The following FRMPD4 variants were observed in gnomAD, a reference collection of about 807,000 sequenced individuals.
FRMPD4 encodes the protein FERM and PDZ domain containing 4.
FRMPD4 carries 22 observed loss-of-function variants against 94.1 expected under a neutral mutation model. That is an observed-to-expected ratio of 0.23 (90% CI 0.17 to 0.33). FRMPD4 has a LOEUF of 0.33. FRMPD4 is among the 10% of genes least tolerant of loss of function. The pLI, the probability that FRMPD4 is intolerant of heterozygous loss-of-function variation, is 1.00. For synonymous variants in FRMPD4, 631 were observed against 548.6 expected (o/e 1.15, Z -2.10); for missense variants, 1,111 against 1,339.9 (o/e 0.83, Z 2.67).
At position 12,723,220 on chromosome X, in the gene FRMPD4, T is replaced by A. The variant is rs2042272087; in HGVS notation, c.*1362T>A. The A allele has an allele frequency of 8.9e-6, 1 of 111,881 alleles. No individual in the cohort carries two copies. Among genetic ancestry groups the A allele is most frequent in the Admixed American group, 9.5e-5 (1 of 10,570 alleles). 9.2% of individuals were successfully genotyped at this position (111,881 alleles called of 1,213,427 possible). On this transcript the variant is annotated 3_prime_UTR_variant, in exon 17 of 17. Transcript: ENST00000675598. ...TCCAGGACTGTCACATCTCTAAAAG[T>A]ACCCTGCAGTCATAAAATAAAATCG...
intron 3 of FRMPD4, among the ~76,000 whole-genome samples, chrX:11,878,413 A>G (rs2053796959): frequency 8.9e-6 from 1 of 111,983 alleles, no homozygotes; most frequent in Non-Finnish European, 1.9e-5. Flanking sequence ...TTTACAAGGG[A>G]ATTGAATTGT....
At chrX:12,703,812 G>A (rs1175245637) in intron 10 of FRMPD4, among the ~76,000 whole-genome samples, 2 of 111,942 alleles carry the variant, frequency 1.8e-5, no homozygotes, top group Non-Finnish European at 3.8e-5. Flanking sequence ...CACACCACCA[G>A]CAAGAAATGT....
intron 1 of FRMPD4, among the ~76,000 whole-genome samples, chrX:12,384,412 G>A (rs2056369162): frequency 9.0e-6 from 1 of 111,629 alleles, no homozygotes. Context: ...CAGCTTCCTG[G>A]GAGGTTGAAT....
chrX:12,185,914 G>A lies in FRMPD4; in HGVS notation c.41+46902G>A, dbSNP rs184549424. ...TGCTGTCAAGTCCAGTCTGATTAAA[G>A]TGAAGGACAGATGATCTGCAGTCTT... is the stretch of plus-strand genomic sequence containing the variant. On this transcript the variant is annotated intron_variant, in intron 1 of 16. Transcript: ENST00000675598. 4.5e-5 allele frequency among the ~76,000 whole-genome samples: 5 copies of A among 111,746 alleles called. No individual in the cohort carries two copies. The East Asian group carries it at 1.4e-3, about 31-fold the overall frequency.
At position 12,372,995 on chromosome X, in the gene FRMPD4, C is replaced by T. The variant is rs149949653; in HGVS notation, c.42-125685C>T. On this transcript the variant is annotated intron_variant, in intron 1 of 16. Coordinates refer to ENST00000675598, the MANE Select transcript of FRMPD4 (RefSeq NM_001368397.1). The stretch of plus-strand genomic sequence containing the variant: ...AGTGCCACAATGGAGCCGAGAAGTC[C>T]TTTAGAACTTTGGGGGACAGCACCA... Among the ~76,000 whole-genome samples, 623 of 112,142 alleles carry T rather than the reference C, an allele frequency of 5.6e-3. 1 individual carries two copies. The highest frequency in any genetic ancestry group is 0.014 in the Middle Eastern group (3 of 217).
intron 1 of FRMPD4, among the ~76,000 whole-genome samples, chrX:12,224,122 G>T (rs1433431010): frequency 9.0e-6 from 1 of 110,891 alleles, no homozygotes; most frequent in South Asian, 3.9e-4. Context: ...TCACCTAGGG[G>T]ACAAAATTGC....
chrX:12,429,168 G>A (rs775137137), intron 1 of FRMPD4, among the ~76,000 whole-genome samples: 4 of 111,500 alleles, frequency 3.6e-5, no homozygotes, highest in African/African-American at 1.3e-4. Flanking sequence ...CTGGGAACTC[G>A]CCATTCAGTA....
chrX:12,390,305 T>C (rs2056457815), intron 1 of FRMPD4, among the ~76,000 whole-genome samples: 1 of 112,626 alleles, frequency 8.9e-6, no homozygotes, highest in African/African-American at 3.2e-5. Context: ...TTTGTAAGTA[T>C]TGCAGATATG....
intron 1 of FRMPD4, among the ~76,000 whole-genome samples, chrX:12,297,805 G>C (rs1031792830): frequency 3.6e-5 from 4 of 111,035 alleles, no homozygotes; most frequent in Admixed American, 2.9e-4. Context: ...AAAAGAATTA[G>C]CCCCCCCTGG....
At chrX:12,581,901 C>T (rs1174324584) in intron 2 of FRMPD4, among the ~76,000 whole-genome samples, 1 of 111,934 alleles carries the variant, frequency 8.9e-6, no homozygotes, top group Non-Finnish European at 1.9e-5. Flanking sequence ...CCCACCCTGC[C>T]ATCTGACACT....
Position 12,717,709 on chromosome X carries a change from G to A in FRMPD4, c.2883G>A (p.Gly961=), listed in dbSNP as rs1326251539. ...TEFPASKTPA[G]GLPPKSSHAL... The stretch of plus-strand genomic sequence containing the variant: ...TCCCGGCCTCCAAGACCCCCGCTGG[G>A]GGCTTGCCTCCAAAGTCCTCGCACG... Residue 961 remains glycine, a synonymous_variant, in exon 16 of 17, where the codon GGG becomes GGA. Transcript: ENST00000675598. The A allele has an allele frequency of 8.3e-7, 1 of 1,210,969 alleles. No individual in the cohort carries two copies. Among genetic ancestry groups the A allele is most frequent in the South Asian group, 1.8e-5 (1 of 56,995 alleles).
chrX:12,009,178 T>C (rs906834740), intron 3 of FRMPD4, among the ~76,000 whole-genome samples: 2 of 112,272 alleles, frequency 1.8e-5, no homozygotes, highest in Non-Finnish European at 3.8e-5. Context: ...AACTAGTAAC[T>C]ATGTGAGGTG....
At chrX:12,634,189 G>A (rs190928847) in intron 4 of FRMPD4, among the ~76,000 whole-genome samples, 6 of 112,341 alleles carry the variant, frequency 5.3e-5, no homozygotes, top group Admixed American at 4.7e-4. Context: ...TTTCCCCCAT[G>A]TAAGAAATTA....
In FRMPD4 at chrX:11,845,595, A is replaced by G. The variant is rs766944999; in HGVS notation, c.-160-19491A>G. Among the ~76,000 whole-genome samples the G allele has an allele frequency of 2.1e-3, 229 of 108,146 alleles. 1 individual carries two copies. The highest frequency in any genetic ancestry group is 3.6e-3 in the Non-Finnish European group (189 of 51,949). The allele number at this position is 108,146 out of a possible 115,157, so 93.9% of individuals were successfully genotyped here. ...CAACCAAAAAAGAGAATTTTAGACC[A>G]ATATCCTTGATGAACATTGATGCAA... On this transcript the variant is annotated intron_variant, in intron 1 of 18. Transcript: ENST00000640291.
Position 12,698,803 on chromosome X carries a change from A to G in FRMPD4, c.934-3071A>G, listed in dbSNP as rs904317226. Among the ~76,000 whole-genome samples, 7 of 111,408 alleles carry G rather than the reference A, an allele frequency of 6.3e-5. No individual in the cohort carries two copies. In the East Asian group the frequency reaches 2.0e-3, roughly 31 times the overall value. Reference sequence around the variant, plus strand: ...CTTAGGAGAAGTAATAGTGATGGCTAATCTTTATCAAGTATCTTCCATTTC... The same window carrying G: ...CTTAGGAGAAGTAATAGTGATGGCTGATCTTTATCAAGTATCTTCCATTTC... On this transcript the variant is annotated intron_variant, in intron 9 of 16. Transcript: ENST00000675598.
intron 1 of FRMPD4, among the ~76,000 whole-genome samples, chrX:12,147,898 A>G (rs1336659986): frequency 8.9e-6 from 1 of 111,780 alleles, no homozygotes; most frequent in Non-Finnish European, 1.9e-5. Flanking sequence ...TGATGTTACT[A>G]TTGCAATTGT....
chrX:12,312,239 CTTTTTTTT>C (rs200625685), intron 1 of FRMPD4, among the ~76,000 whole-genome samples: 1 of 61,544 alleles, frequency 1.6e-5, no homozygotes, highest in Non-Finnish European at 3.0e-5. Context: ...TGCTCCATTA[CTTTTTTTT>C]TTTTTTTTTT....
chrX:12,080,983 C>T (rs1275034654), intron 3 of FRMPD4, among the ~76,000 whole-genome samples: 1 of 111,967 alleles, frequency 8.9e-6, no homozygotes, highest in Admixed American at 9.5e-5. Flanking sequence ...TAAATGGCTG[C>T]TTATTTAAAG....
chrX:12,352,050 A>G (rs1245881456), intron 1 of FRMPD4, among the ~76,000 whole-genome samples: 3 of 111,957 alleles, frequency 2.7e-5, no homozygotes, highest in East Asian at 2.8e-4. Flanking sequence ...GGTATTTTTC[A>G]TAGGCTCAGC....
Sources: gnomAD v4.1 joint callset for allele counts (sites outside exome capture counted in the v4.1 genomes callset) on GRCh38, gnomAD v4.1.1 for gene constraint, MANE v1.5 for transcripts, NCBI Gene and HGNC (gene_info 2026-07-23, HGNC 2026-07-21) for gene names.